Variants in ASCC3 observed in about 807,000 individuals in gnomAD.
The protein encoded by ASCC3 is ASC-1 complex subunit P200.
In ASCC3, 158 loss-of-function variants were observed where a neutral mutation model predicts 256.3. The observed-to-expected ratio is 0.62, with a 90% CI of 0.54 to 0.70. The LOEUF is 0.70. Ranked by LOEUF, ASCC3 falls within the 30% of genes least tolerant of loss-of-function variation. The pLI, the probability that ASCC3 is intolerant of heterozygous loss-of-function variation, is 0.00. For synonymous variants in ASCC3, 948 were observed against 883.4 expected (o/e 1.07, Z -1.30); for missense variants, 2,259 against 2,626.0 (o/e 0.86, Z 3.05).
chr6:100,800,916 A>T (rs966978431), intron 5 of ASCC3, among the ~76,000 whole-genome samples: 1 of 151,860 alleles, frequency 6.6e-6, no homozygotes, highest in African/African-American at 2.4e-5. Context: ...TTAGACATAA[A>T]TTTTTACTAT....
At chr6:100,577,692 T>C (rs541333484) in intron 36 of ASCC3, among the ~76,000 whole-genome samples, 1 of 152,084 alleles carries the variant, frequency 6.6e-6, no homozygotes, top group South Asian at 2.1e-4. Flanking sequence ...CATGGTTTAC[T>C]ACCATTGCCC....
At chr6:100,876,539 G>C (rs368187736) in intron 1 of ASCC3, among the ~76,000 whole-genome samples, 2 of 152,248 alleles carry the variant, frequency 1.3e-5, no homozygotes, top group African/African-American at 4.8e-5. Context: ...TTTAGGCCTA[G>C]ATGAAAGGAA....
intron 13 of ASCC3, among the ~76,000 whole-genome samples, chr6:100,704,980 A>C (rs1280529626): frequency 6.6e-6 from 1 of 152,100 alleles, no homozygotes; most frequent in African/African-American, 2.4e-5. Flanking sequence ...CCATTCTGCA[A>C]GTTACACAGG....
intron 36 of ASCC3, among the ~76,000 whole-genome samples, chr6:100,577,306 C>T (rs1157819149): frequency 6.6e-6 from 1 of 151,996 alleles, no homozygotes; most frequent in African/African-American, 2.4e-5. Flanking sequence ...GATGGAACCT[C>T]CTACTAACTG....
intron 37 of ASCC3, among the ~76,000 whole-genome samples, chr6:100,522,596 C>T (rs240784): frequency 0.66 from 99,429 of 151,456 alleles, 34,272 homozygotes; most frequent in African/African-American, 0.87. Flanking sequence ...GGAGCAGAGA[C>T]AGGGGAAGCA....
intron 8 of ASCC3, among the ~76,000 whole-genome samples, chr6:100,771,555 C>A (rs1160767586): frequency 6.6e-6 from 1 of 151,644 alleles, no homozygotes; most frequent in Non-Finnish European, 1.5e-5. Context: ...AAACTCAACA[C>A]AACAGTAAAG....
At chr6:100,598,866 G>A (rs1772448401) in intron 34 of ASCC3, among the ~76,000 whole-genome samples, 2 of 152,136 alleles carry the variant, frequency 1.3e-5, no homozygotes, top group Admixed American at 1.3e-4. Context: ...AGTTTACAAA[G>A]TAGGCAAAAT....
chr6:100,607,982 A>G (rs1282635761), intron 30 of ASCC3, among the ~76,000 whole-genome samples: 1 of 143,886 alleles, frequency 6.9e-6, no homozygotes, highest in African/African-American at 2.6e-5. Context: ...TTATATATTA[A>G]CGATATTAAC....
chr6:100,856,481 ATTC>A (rs1772947272), intron 3 of ASCC3: 1 of 880,214 alleles, frequency 1.1e-6, no homozygotes, highest in African/African-American at 1.8e-5. Context: ...AATCATAGTA[ATTC>A]TTTTTATTGA....
chr6:100,864,032 TA>T (rs201325406), intron 3 of ASCC3, 31 bp downstream of exon 3: 55,663 of 1,066,192 alleles, frequency 0.052, no homozygotes, highest in South Asian at 0.091. Flanking sequence ...TGGTTCTCTT[TA>T]AAAAAAAAAA....
chr6:100,786,684 G>A (rs1488102984), intron 8 of ASCC3, among the ~76,000 whole-genome samples: 3 of 152,106 alleles, frequency 2.0e-5, no homozygotes, highest in Admixed American at 2.0e-4. Context: ...AGACTCTTTA[G>A]CTTCAGTTTT....
intron 10 of ASCC3, among the ~76,000 whole-genome samples, chr6:100,754,935 C>T (rs551541375): frequency 1.3e-5 from 2 of 152,198 alleles, no homozygotes; most frequent in South Asian, 2.1e-4. Context: ...CATGTCTTTG[C>T]TCCTCCTTCA....
At chr6:100,602,380 G>A (rs1367806699) in intron 33 of ASCC3, among the ~76,000 whole-genome samples, 1 of 151,966 alleles carries the variant, frequency 6.6e-6, no homozygotes, top group Non-Finnish European at 1.5e-5. Flanking sequence ...CTGTCACATG[G>A]TATGTACTCA....
At chr6:100,677,507 T>G (rs1413663176) in intron 14 of ASCC3, among the ~76,000 whole-genome samples, 1 of 152,124 alleles carries the variant, frequency 6.6e-6, no homozygotes, top group Non-Finnish European at 1.5e-5. Flanking sequence ...TGAAAATTAT[T>G]TACTTTCTCA....
In ASCC3 at chr6:100,560,125, T is replaced by C. The variant is rs897675420; in HGVS notation, c.5551-19738A>G. ...TATGTAAGTGGATATACTTTGGACA[T>C]CTAACTTAGTGTCTGTTTAGGCAGA... On this transcript the variant is annotated intron_variant, in intron 36 of 41. Coordinates refer to ENST00000369162, the MANE Select transcript of ASCC3 (RefSeq NM_006828.4). 2.0e-5 allele frequency among the ~76,000 whole-genome samples: 3 copies of C among 152,190 alleles called. No homozygotes were observed. The East Asian group carries it at 5.8e-4, about 29-fold the overall frequency.
chr6:100,676,750 G>GCA (rs972039297), intron 14 of ASCC3, among the ~76,000 whole-genome samples: 58 of 115,268 alleles, frequency 5.0e-4, no homozygotes, highest in Admixed American at 3.0e-3. Flanking sequence ...GCGCGTGCGC[G>GCA]CACACACACA....
intron 36 of ASCC3, among the ~76,000 whole-genome samples, chr6:100,580,873 A>G (rs1165796802): frequency 6.6e-6 from 1 of 151,732 alleles, no homozygotes; most frequent in Non-Finnish European, 1.5e-5. Flanking sequence ...GAGAATGATG[A>G]TTTCCAATTG....
intron 10 of ASCC3, among the ~76,000 whole-genome samples, chr6:100,737,189 G>A (rs2115061659): frequency 6.7e-6 from 1 of 150,224 alleles, no homozygotes. Context: ...GGTGGGTAGG[G>A]AATGAATATA....
intron 3 of ASCC3, among the ~76,000 whole-genome samples, chr6:100,855,862 T>C (rs1772918247): frequency 6.6e-6 from 1 of 152,192 alleles, no homozygotes; most frequent in Non-Finnish European, 1.5e-5. Context: ...AGAACTGTTA[T>C]AACCATATTA....
Sources: gnomAD v4.1 joint callset for allele counts (sites outside exome capture counted in the v4.1 genomes callset) on GRCh38, gnomAD v4.1.1 for gene constraint, MANE v1.5 for transcripts, NCBI Gene and HGNC (gene_info 2026-07-23, HGNC 2026-07-21) for gene names.